Variants in TWF2 observed in about 807,000 individuals in gnomAD.
TWF2 encodes the protein twinfilin-2.
A neutral mutation model predicts 45.1 loss-of-function variants in TWF2; 15 were observed. The observed-to-expected ratio is 0.33, with a 90% CI of 0.22 to 0.51. The LOEUF (loss-of-function observed/expected upper bound fraction) is 0.51. TWF2 is among the 20% of genes least tolerant of loss of function. TWF2 has a pLI of 0.97. For synonymous variants in TWF2, 177 were observed against 195.8 expected, an observed-to-expected ratio of 0.90 and a Z score of 0.80; for missense variants, 423 against 469.1, an observed-to-expected ratio of 0.90 and a Z score of 0.91.
intron 7 of TWF2, 63 bp downstream of exon 7, chr3:52,229,857 C>CA: frequency 6.3e-7 from 1 of 1,594,218 alleles, no homozygotes; most frequent in East Asian, 2.2e-5. Context: ...AGGCCTGCCC[C>CA]ACTGCAGACC....
rs144075457 is a variant in TWF2, at chr3:52,229,115, G to A, written c.969C>T (p.Phe323=). Residue 323 remains phenylalanine, a synonymous_variant, in exon 9 of 9, where the codon TTC becomes TTT. Transcript: ENST00000305533. ...HPKQHAFKQA[F]AKPKGPGGKR... Reference sequence around the variant, plus strand: ...TGCCCCCTGGGCCCTTGGGCTTGGCGAAGGCCTGCTTGAAGGCGTGTTGCT... The same window carrying A: ...TGCCCCCTGGGCCCTTGGGCTTGGCAAAGGCCTGCTTGAAGGCGTGTTGCT... The A allele has an allele frequency of 4.5e-5, 72 of 1,613,524 alleles. No homozygotes were observed. In the Middle Eastern group the frequency reaches 8.6e-4, roughly 19 times the overall value.
At chr3:52,232,356 A>AC (rs1699686769) in intron 2 of TWF2, 1 of 568,754 alleles carries the variant, frequency 1.8e-6, no homozygotes, top group African/African-American at 1.9e-5. Context: ...GCGCGTGCAC[A>AC]CACCCCCCCA....
chr3:52,234,818 G>A (rs67767125), intron 2 of TWF2, among the ~76,000 whole-genome samples: 3 of 152,152 alleles, frequency 2.0e-5, no homozygotes, highest in South Asian at 2.1e-4. Context: ...CCCCAGCTTC[G>A]GCTTCCTGCT....
intron 3 of TWF2, 143 bp downstream of exon 3, chr3:52,231,801 G>T: frequency 1.6e-6 from 2 of 1,259,564 alleles, no homozygotes; most frequent in Admixed American, 4.8e-5. Flanking sequence ...CCCTCTCTCA[G>T]ACTCCCTAGG....
At chr3:52,237,188 C>G (rs572318720) in intron 1 of TWF2, among the ~76,000 whole-genome samples, 23 of 152,266 alleles carry the variant, frequency 1.5e-4, no homozygotes, top group African/African-American at 5.1e-4. Context: ...AACTGACACC[C>G]CCACAGGGAA....
chr3:52,228,714 A>C lies in TWF2; in HGVS notation c.*320T>G. ...TGACTGACCCCACTTCTTGTGGCCA[A>C]AGGTTTCTGGGCTGTGCTGGGACCC... On this transcript the variant is annotated 3_prime_UTR_variant, in exon 9 of 9. Transcript: ENST00000305533. 3.0e-6 allele frequency: 1 copy of C among 337,034 alleles called. No individual in the cohort carries two copies. The highest frequency in any genetic ancestry group is 5.5e-6 in the Non-Finnish European group (1 of 183,426). 20.9% of individuals were successfully genotyped at this position (337,034 alleles called of 1,614,324 possible). A position where few individuals can be genotyped will look rare whatever the true frequency, so the allele number is the denominator to read the frequency against.
At position 52,231,855 on chromosome 3, in the gene TWF2, G is replaced by A. The variant is rs551034666; in HGVS notation, c.282+89C>T. ...TCCCCCACCCTCCAGGGGCAGGCCT[G>A]TGTCCCCTCTTGGATCCCCCAGGGC... is the stretch of plus-strand genomic sequence containing the variant. On this transcript the variant is annotated intron_variant, in intron 3 of 8. Transcript: ENST00000305533. The A allele has an allele frequency of 5.2e-6, 8 of 1,532,450 alleles. No homozygotes were observed. The South Asian group carries it at 1.0e-4, about 19-fold the overall frequency. The allele number at this position is 1,532,450 out of a possible 1,614,324, so 94.9% of individuals were successfully genotyped here. A position where few individuals can be genotyped will look rare whatever the true frequency, so the allele number is the denominator to read the frequency against.
At chr3:52,235,917 C>T (rs1177653713) in intron 1 of TWF2, among the ~76,000 whole-genome samples, 3 of 152,174 alleles carry the variant, frequency 2.0e-5, no homozygotes, top group African/African-American at 4.8e-5. Context: ...AGATACAGCC[C>T]TGTGGGGGGT....
chr3:52,231,904 C>T lies in TWF2; in HGVS notation c.282+40G>A, dbSNP rs748936267. 4 of 1,591,536 alleles carry T rather than the reference C, an allele frequency of 2.5e-6. No homozygotes were observed. In the South Asian group the frequency reaches 4.6e-5, roughly 18 times the overall value. On this transcript the variant is annotated intron_variant, in intron 3 of 8. Coordinates refer to ENST00000305533, the MANE Select transcript of TWF2 (RefSeq NM_007284.4). ...GCAAGGCCTTGTTGCCTGGCTCAGCCCCAGCTCCCCTCCTCACTTCCCACT... is the reference window on the plus strand; with the variant it reads ...GCAAGGCCTTGTTGCCTGGCTCAGCTCCAGCTCCCCTCCTCACTTCCCACT...
rs375689345 is a variant in TWF2 at position 52,230,093 on chromosome 3, G to A, written c.610-23C>T. 7.7e-6 allele frequency: 12 copies of A among 1,557,114 alleles called. No individual in the cohort carries two copies. The African/African-American group carries it at 1.5e-4, about 19-fold the overall frequency. ...CTTCTGCCCAGGGCCAAGGGAAGAT[G>A]GGAGAGCACCAGGTCGGGGTGGGCC... On this transcript the variant is annotated intron_variant, in intron 6 of 8. Transcript: ENST00000305533.
chr3:52,238,486 C>A lies in TWF2; in HGVS notation c.25+506G>T, dbSNP rs372532451. 2.2e-4 allele frequency among the ~76,000 whole-genome samples: 34 copies of A among 152,286 alleles called. No homozygotes were observed. In the East Asian group the frequency reaches 5.6e-3, roughly 25 times the overall value. ...GCAAAAATGCACACTGAGACGCGCTCCAACTGTGCACACACACAGACACCC... is the reference window on the plus strand; with the variant it reads ...GCAAAAATGCACACTGAGACGCGCTACAACTGTGCACACACACAGACACCC... On this transcript the variant is annotated intron_variant, in intron 1 of 8. Transcript: ENST00000305533.
chr3:52,232,418 C>T (rs1174516025), intron 2 of TWF2, among the ~76,000 whole-genome samples: 2 of 152,112 alleles, frequency 1.3e-5, no homozygotes, highest in Admixed American at 6.5e-5. Flanking sequence ...CAAAGACACG[C>T]AGCCGTCAGC....
chr3:52,228,901 G>GC lies in TWF2; in HGVS notation c.*132dup. On this transcript the variant is annotated 3_prime_UTR_variant, in exon 9 of 9. Transcript: ENST00000305533. ...GCCAGCCCGGTGGCCCTCGGACGCTGCAAGTGCGTTCAGCTGCCAGCCCTC... is the reference window on the plus strand; with the variant it reads ...GCCAGCCCGGTGGCCCTCGGACGCTGCCAAGTGCGTTCAGCTGCCAGCCCTC... 7.3e-7 allele frequency: 1 copy of GC among 1,376,184 alleles called. No individual in the cohort carries two copies. The highest frequency in any genetic ancestry group is 9.7e-7 in the Non-Finnish European group (1 of 1,025,716). The allele number at this position is 1,376,184 out of a possible 1,614,324, so 85.2% of individuals were successfully genotyped here.
chr3:52,233,017 A>G (rs1279751170), intron 2 of TWF2, among the ~76,000 whole-genome samples: 2 of 152,206 alleles, frequency 1.3e-5, no homozygotes, highest in South Asian at 2.1e-4. Flanking sequence ...GTCTCAAAAA[A>G]AGAAAGAAAA....
At chr3:52,230,825 T>C in intron 6 of TWF2, 45 bp downstream of exon 6, 1 of 1,593,012 alleles carries the variant, frequency 6.3e-7, no homozygotes. Flanking sequence ...TGGGCAGGAG[T>C]AGGGGTGGTG....
intron 1 of TWF2, among the ~76,000 whole-genome samples, chr3:52,237,776 G>A (rs777014857): frequency 6.6e-6 from 1 of 152,178 alleles, no homozygotes; most frequent in Non-Finnish European, 1.5e-5. Context: ...CCCTGCCTTC[G>A]CGGGGCCAGG....
Position 52,230,917 on chromosome 3 carries a change from G to C in TWF2, c.562C>G (p.Arg188Gly), listed in dbSNP as rs765720266. 8 of 1,607,988 alleles carry C rather than the reference G, an allele frequency of 5.0e-6. No individual in the cohort carries two copies. Among genetic ancestry groups the C allele is most frequent in the Non-Finnish European group, 5.9e-6 (7 of 1,177,220 alleles). The stretch of plus-strand genomic sequence containing the variant: ...TTCTGCTTGAGCTGCTGGAGTGCCC[G>C]CTGGGCCTCAGGCTGCAGGGGGAAG... ...LAFPLQPEAQ[R>G]ALQQLKQKMV... Residue 188 changes from arginine to glycine, a missense_variant, in exon 6 of 9, where the codon CGG becomes GGG. Transcript: ENST00000305533.
In TWF2 at chr3:52,232,018, G is replaced by A. The variant is rs1193974257; in HGVS notation, c.208C>T (p.Leu70Phe). 6 of 1,613,936 alleles carry A rather than the reference G, an allele frequency of 3.7e-6. No homozygotes were observed. The highest frequency in any genetic ancestry group is 5.1e-6 in the Non-Finnish European group (6 of 1,179,962). Reference protein sequence around the residue: ...LLDAQQPCYLLYRLDSQNAQG... With the variant: ...LLDAQQPCYLFYRLDSQNAQG... ...GCATTCTGTGAGTCGAGGCGGTAGA[G>A]CAGGTAGCAGGGCTGCTGGGCGTCC... The change falls in exon 3 of 9, where the codon CTC becomes TTC. Residue 70 changes from leucine (L) to phenylalanine (F), a missense_variant. Coordinates refer to ENST00000305533, the MANE Select transcript of TWF2 (RefSeq NM_007284.4).
intron 7 of TWF2, 33 bp from the exon 8 acceptor site, chr3:52,229,815 C>G: frequency 1.2e-6 from 2 of 1,602,770 alleles, no homozygotes; most frequent in Non-Finnish European, 1.7e-6. Flanking sequence ...CCTGGGAGGC[C>G]TGAGAAACCT....
Sources: gnomAD v4.1 joint callset for allele counts (sites outside exome capture counted in the v4.1 genomes callset) on GRCh38, gnomAD v4.1.1 for gene constraint, MANE v1.5 for transcripts, NCBI Gene and HGNC (gene_info 2026-07-23, HGNC 2026-07-21) for gene names.